The following TG variants were observed in gnomAD, a reference collection of about 807,000 sequenced individuals.
TG encodes the protein thyroglobulin, also known as thyroid hormones.
Under a neutral mutation model 324.7 loss-of-function variants are expected in TG, and 270 were observed. The observed-to-expected ratio is 0.83, with a 90% CI of 0.75 to 0.92. TG has a LOEUF of 0.92. TG is among the 40% of genes least tolerant of loss of function. TG has a pLI of 0.00. For missense variants in TG, 3,591 were observed against 3,456.4 expected, an observed-to-expected ratio of 1.04 and a Z score of -0.98; for synonymous variants, 1,401 against 1,327.0, an observed-to-expected ratio of 1.06 and a Z score of -1.21.
At chr8:132,933,902 T>C (rs1823169889) in intron 24 of TG, among the ~76,000 whole-genome samples, 1 of 152,252 alleles carries the variant, frequency 6.6e-6, no homozygotes, top group Non-Finnish European at 1.5e-5. Flanking sequence ...GCTTGAGCCT[T>C]GTGGCTTCCT....
intron 15 of TG, 150 bp from the exon 16 acceptor site, chr8:132,901,203 A>G (rs1587322636): frequency 1.2e-6 from 1 of 820,512 alleles, no homozygotes; most frequent in Non-Finnish European, 2.0e-6. Flanking sequence ...TTGTCATTCA[A>G]CCTCCTGGTG....
At chr8:132,889,492 C>T (rs1331157236) in intron 10 of TG, among the ~76,000 whole-genome samples, 1 of 152,188 alleles carries the variant, frequency 6.6e-6, no homozygotes, top group Non-Finnish European at 1.5e-5. Context: ...CGGTAATACC[C>T]TTGGCATTTT....
intron 43 of TG, among the ~76,000 whole-genome samples, chr8:133,104,941 A>G (rs151051335): frequency 9.7e-4 from 148 of 152,322 alleles, no homozygotes; most frequent in Non-Finnish European, 1.8e-3. Context: ...GAATTGTGTC[A>G]TGTCCATTTG....
chr8:133,127,136 G>A (rs73708881), intron 45 of TG, among the ~76,000 whole-genome samples: 13,555 of 152,184 alleles, frequency 0.089, 2,051 homozygotes, highest in African/African-American at 0.31. Flanking sequence ...TGTCAAGAAA[G>A]ATCCTTCCTC....
At chr8:132,892,733 A>G (rs1035657858) in intron 10 of TG, among the ~76,000 whole-genome samples, 5 of 148,616 alleles carry the variant, frequency 3.4e-5, no homozygotes, top group African/African-American at 1.2e-4. Flanking sequence ...GTATTTCTAT[A>G]TGGGTGTATG....
chr8:133,054,309 C>T (rs1202323574), intron 41 of TG, among the ~76,000 whole-genome samples: 1 of 152,138 alleles, frequency 6.6e-6, no homozygotes, highest in African/African-American at 2.4e-5. Flanking sequence ...AAGACATATG[C>T]ACTGCGCATG....
chr8:133,116,034 C>G (rs1385161933), intron 44 of TG, among the ~76,000 whole-genome samples: 6 of 152,008 alleles, frequency 3.9e-5, no homozygotes. Flanking sequence ...CCTTTCTCTT[C>G]CCAGTTGTGA....
At chr8:132,933,508 C>T (rs72727428) in intron 23 of TG, 53 bp from the exon 24 acceptor site, 125,121 of 1,505,678 alleles carry the variant, frequency 0.083, 6,320 homozygotes, top group African/African-American at 0.21. Flanking sequence ...TCTGCTCTGC[C>T]CTCAGCATCC....
intron 5 of TG, among the ~76,000 whole-genome samples, chr8:132,879,504 A>T (rs914526323): frequency 6.6e-6 from 1 of 152,258 alleles, no homozygotes; most frequent in Non-Finnish European, 1.5e-5. Flanking sequence ...TTGTTCATAC[A>T]TATCACTTGT....
chr8:133,077,467 C>T (rs935717695), intron 41 of TG, among the ~76,000 whole-genome samples: 8 of 152,266 alleles, frequency 5.3e-5, no homozygotes, highest in African/African-American at 9.6e-5. Context: ...CCCTCCCTTT[C>T]GCCTCCTGGA....
At chr8:133,130,736 A>G (rs1157280328) in intron 45 of TG, among the ~76,000 whole-genome samples, 1 of 152,170 alleles carries the variant, frequency 6.6e-6, no homozygotes, top group Admixed American at 6.5e-5. Flanking sequence ...AGACATTGTC[A>G]GATAGTAATT....
intron 18 of TG, among the ~76,000 whole-genome samples, chr8:132,910,344 T>G (rs1819332950): frequency 6.6e-6 from 1 of 152,202 alleles, no homozygotes; most frequent in African/African-American, 2.4e-5. Flanking sequence ...TACTCATTGG[T>G]GACAGAGTTC....
intron 17 of TG, among the ~76,000 whole-genome samples, chr8:132,907,484 C>A (rs1170760467): frequency 6.6e-6 from 1 of 152,118 alleles, no homozygotes; most frequent in African/African-American, 2.4e-5. Context: ...ACTCTGGGAC[C>A]TGGCACTTGG....
chr8:132,884,879 A>G (rs886714897), intron 8 of TG, among the ~76,000 whole-genome samples: 22 of 152,206 alleles, frequency 1.4e-4, no homozygotes, highest in African/African-American at 4.8e-4. Flanking sequence ...ATGGAAAGAG[A>G]AAGGGTAAGC....
intron 41 of TG, among the ~76,000 whole-genome samples, chr8:133,088,647 G>A (rs552979966): frequency 1.2e-4 from 19 of 152,182 alleles, no homozygotes; most frequent in African/African-American, 2.9e-4. Context: ...AAACACACAC[G>A]CACTTTTTAT....
At chr8:132,897,627 T>C in intron 11 of TG, 22 bp from the exon 12 acceptor site, 1 of 1,614,036 alleles carries the variant, frequency 6.2e-7, no homozygotes, top group Non-Finnish European at 8.5e-7. Context: ...CATATTCTGC[T>C]TTTCTCCTTC....
chr8:132,909,907 A>C (rs1330812435), intron 18 of TG, among the ~76,000 whole-genome samples: 1 of 152,196 alleles, frequency 6.6e-6, no homozygotes, highest in Non-Finnish European at 1.5e-5. Flanking sequence ...AGTCTCTCAG[A>C]GGCAAATTCT....
chr8:133,020,428 T>A (rs1381187241), intron 39 of TG, among the ~76,000 whole-genome samples: 3 of 152,178 alleles, frequency 2.0e-5, no homozygotes, highest in Non-Finnish European at 4.4e-5. Flanking sequence ...TTCTGTGCCT[T>A]GCCCTTGCCT....
intron 45 of TG, among the ~76,000 whole-genome samples, chr8:133,129,812 C>A (rs1232612071): frequency 6.6e-6 from 1 of 152,140 alleles, no homozygotes; most frequent in East Asian, 1.9e-4. Flanking sequence ...TTTATCAGGT[C>A]ATGACCTTCT....
Sources: allele counts gnomAD v4.1 joint callset (sites outside exome capture counted in the v4.1 genomes callset), GRCh38; gene constraint gnomAD v4.1.1; transcripts MANE v1.5; gene names NCBI Gene and HGNC (gene_info 2026-07-23, HGNC 2026-07-21).